Variants in SNTG1 observed in about 807,000 individuals in gnomAD.
SNTG1 encodes syntrophin gamma 1.
SNTG1 carries 39 observed loss-of-function variants against 74.7 expected under a neutral mutation model. The observed-to-expected ratio is 0.52, with a 90% CI of 0.40 to 0.68. SNTG1 has a LOEUF of 0.68. Ranked by LOEUF, SNTG1 falls within the 30% of genes least tolerant of loss-of-function variation. SNTG1 has a pLI of 0.00. For missense variants in SNTG1, 685 were observed against 609.5 expected (o/e 1.12, Z -1.30); for synonymous variants, 254 against 217.1 (o/e 1.17, Z -1.49).
chr8:50,337,095 G>A (rs1301321250), intron 2 of SNTG1, among the ~76,000 whole-genome samples: 1 of 152,152 alleles, frequency 6.6e-6, no homozygotes, highest in Non-Finnish European at 1.5e-5. Context: ...GAAAAATGAG[G>A]AATCAGGCTG....
At chr8:50,617,317 A>G (rs1320593868) in intron 13 of SNTG1, among the ~76,000 whole-genome samples, 1 of 151,962 alleles carries the variant, frequency 6.6e-6, no homozygotes, top group East Asian at 1.9e-4. Context: ...CAATGAGCAA[A>G]TGAATCTTGG....
At chr8:50,236,644 G>A (rs1245994181) in intron 2 of SNTG1, among the ~76,000 whole-genome samples, 2 of 151,906 alleles carry the variant, frequency 1.3e-5, no homozygotes, top group Non-Finnish European at 2.9e-5. Flanking sequence ...TAGAGACGGG[G>A]TTTCACCGTG....
At position 50,403,610 on chromosome 8, in the gene SNTG1, C is replaced by G. The variant is rs1237855676; in HGVS notation, c.162+1266C>G. 2.6e-5 allele frequency among the ~76,000 whole-genome samples: 4 copies of G among 152,138 alleles called. No homozygotes were observed. In the East Asian group the frequency reaches 5.8e-4, roughly 22 times the overall value. On this transcript the variant is annotated intron_variant, in intron 4 of 18. Transcript: ENST00000642720. ...TATTATTGATTTTAAACTTCACAGT[C>G]AATAATAGCTGATACACATAGACCT...
At chr8:50,186,121 G>A (rs1188844083) in intron 2 of SNTG1, among the ~76,000 whole-genome samples, 1 of 152,102 alleles carries the variant, frequency 6.6e-6, no homozygotes, top group African/African-American at 2.4e-5. Flanking sequence ...TCCTGTGTTA[G>A]TTTGCTGAGG....
At chr8:50,762,477 C>A in intron 18 of SNTG1, 1 of 343,650 alleles carries the variant, frequency 2.9e-6, no homozygotes, top group South Asian at 2.7e-5. Flanking sequence ...ATAAATAAGG[C>A]AGTGGCCAAC....
chr8:50,426,437 A>AC (rs1167103718), intron 4 of SNTG1, among the ~76,000 whole-genome samples: 1 of 151,924 alleles, frequency 6.6e-6, no homozygotes, highest in African/African-American at 2.4e-5. Context: ...TTAGTTTTTA[A>AC]CAAAAACATT....
At chr8:50,209,375 G>C (rs1166505621) in intron 2 of SNTG1, among the ~76,000 whole-genome samples, 2 of 152,158 alleles carry the variant, frequency 1.3e-5, no homozygotes, top group African/African-American at 4.8e-5. Flanking sequence ...GAAAGTAGTG[G>C]TTCTCCGAGC....
intron 9 of SNTG1, among the ~76,000 whole-genome samples, chr8:50,518,999 A>C (rs1006948048): frequency 6.6e-6 from 1 of 152,090 alleles, no homozygotes; most frequent in African/African-American, 2.4e-5. Flanking sequence ...GAGCCACAAC[A>C]AAAAAAGAAA....
chr8:50,620,499 C>T (rs960287630), intron 13 of SNTG1, among the ~76,000 whole-genome samples: 4 of 152,124 alleles, frequency 2.6e-5, no homozygotes, highest in East Asian at 3.9e-4. Context: ...ATGTGTCAGG[C>T]GTACTATTCT....
At chr8:50,326,662 T>G (rs898109246) in intron 2 of SNTG1, among the ~76,000 whole-genome samples, 1 of 150,518 alleles carries the variant, frequency 6.6e-6, no homozygotes, top group Non-Finnish European at 1.5e-5. Flanking sequence ...TTAAAAAAAT[T>G]TTCTCTATTG....
intron 1 of SNTG1, among the ~76,000 whole-genome samples, chr8:50,162,475 C>T (rs1323914916): frequency 3.4e-5 from 5 of 148,140 alleles, no homozygotes; most frequent in Non-Finnish European, 7.4e-5. Context: ...GGCAGGAGAA[C>T]GGCATGAACC....
intron 1 of SNTG1, among the ~76,000 whole-genome samples, chr8:50,001,973 A>C (rs1490767652): frequency 1.3e-5 from 2 of 152,164 alleles, no homozygotes; most frequent in East Asian, 3.9e-4. Flanking sequence ...AAGCTGACGA[A>C]TCAGGCTGGG....
intron 9 of SNTG1, among the ~76,000 whole-genome samples, chr8:50,517,705 A>G (rs560447916): frequency 6.6e-6 from 1 of 152,268 alleles, no homozygotes; most frequent in East Asian, 1.9e-4. Flanking sequence ...AACAAAGACA[A>G]AGAAGGGCAT....
At chr8:50,265,137 T>C (rs2087399145) in intron 2 of SNTG1, among the ~76,000 whole-genome samples, 1 of 152,124 alleles carries the variant, frequency 6.6e-6, no homozygotes, top group Non-Finnish European at 1.5e-5. Flanking sequence ...TCTGTGAGGT[T>C]ATTAATACCA....
intron 17 of SNTG1, among the ~76,000 whole-genome samples, chr8:50,740,206 T>A: frequency 6.6e-6 from 1 of 151,450 alleles, no homozygotes. Flanking sequence ...GGGAGAAAAT[T>A]TTTGCAAACT....
At chr8:50,157,210 A>T (rs1203462189) in intron 1 of SNTG1, among the ~76,000 whole-genome samples, 9 of 152,094 alleles carry the variant, frequency 5.9e-5, no homozygotes, top group Admixed American at 5.9e-4. Context: ...ATTTAGATGC[A>T]TAGCTGTGGT....
intron 4 of SNTG1, among the ~76,000 whole-genome samples, chr8:50,423,851 A>C (rs1285749014): frequency 6.6e-6 from 1 of 152,202 alleles, no homozygotes; most frequent in Non-Finnish European, 1.5e-5. Flanking sequence ...AGAAAGGTAA[A>C]GTCTGAGTGC....
At chr8:49,982,307 A>G (rs1314845225) in intron 1 of SNTG1, among the ~76,000 whole-genome samples, 1 of 152,116 alleles carries the variant, frequency 6.6e-6, no homozygotes, top group African/African-American at 2.4e-5. Flanking sequence ...AGAGCTCAAA[A>G]TATTTTGTGA....
chr8:50,670,350 G>A (rs1038372409), intron 15 of SNTG1, among the ~76,000 whole-genome samples: 21 of 151,892 alleles, frequency 1.4e-4, no homozygotes, highest in Admixed American at 1.2e-3. Flanking sequence ...AAAGTCTCAG[G>A]ATACAAAATC....
Sources: allele counts gnomAD v4.1 joint callset (sites outside exome capture counted in the v4.1 genomes callset), GRCh38; gene constraint gnomAD v4.1.1; transcripts MANE v1.5; gene names NCBI Gene and HGNC (gene_info 2026-07-23, HGNC 2026-07-21).